RNF180: variants seen among roughly 807,000 people sequenced by gnomAD.
RNF180 encodes E3 ubiquitin-protein ligase RNF180.
A neutral mutation model predicts 59.2 loss-of-function variants in RNF180; 38 were observed. The ratio of observed to expected loss-of-function variants is 0.64; its 90% confidence interval spans 0.50 to 0.84. The LOEUF (loss-of-function observed/expected upper bound fraction) is 0.84, where lower values mean the gene tolerates loss of function less well. Among genes scored for constraint, RNF180 ranks in the 40% least tolerant of loss-of-function variants. The pLI is 0.00. For synonymous variants in RNF180, 262 were observed against 240.3 expected, an observed-to-expected ratio of 1.09 and a Z score of -0.84; for missense variants, 705 against 700.9, an observed-to-expected ratio of 1.01 and a Z score of -0.07.
At chr5:64,269,757 T>A (rs1425241995) in intron 5 of RNF180, among the ~76,000 whole-genome samples, 1 of 152,194 alleles carries the variant, frequency 6.6e-6, no homozygotes, top group Non-Finnish European at 1.5e-5. Context: ...GAAGTAAAGC[T>A]GATTTTCAAT....
intron 1 of RNF180, among the ~76,000 whole-genome samples, chr5:64,186,400 C>T (rs1163925412): frequency 1.3e-5 from 2 of 152,010 alleles, no homozygotes; most frequent in Non-Finnish European, 2.9e-5. Context: ...AAGAAGTCAG[C>T]CTGAGAAGCA....
intron 5 of RNF180, among the ~76,000 whole-genome samples, chr5:64,276,506 A>T (rs1296019169): frequency 6.6e-6 from 1 of 152,066 alleles, no homozygotes; most frequent in Non-Finnish European, 1.5e-5. Flanking sequence ...TCTTTAAAGT[A>T]ATGTATGACA....
At chr5:64,308,607 GTGT>G (rs1445203759) in intron 5 of RNF180, among the ~76,000 whole-genome samples, 1 of 151,818 alleles carries the variant, frequency 6.6e-6, no homozygotes, top group East Asian at 1.9e-4. Context: ...GGAGTTGGTA[GTGT>G]TTCCTGTCAT....
At chr5:64,262,211 T>A (rs188243500) in intron 5 of RNF180, among the ~76,000 whole-genome samples, 121 of 152,288 alleles carry the variant, frequency 7.9e-4, no homozygotes, top group African/African-American at 2.9e-3. Flanking sequence ...GTAAATAATA[T>A]ATATATTTCA....
chr5:64,363,510 G>A (rs372618976), intron 7 of RNF180, among the ~76,000 whole-genome samples: 4 of 151,652 alleles, frequency 2.6e-5, no homozygotes, highest in Non-Finnish European at 5.9e-5. Context: ...TAGTTTGAAG[G>A]CAGCTAGCGT....
At chr5:64,168,759 C>CA (rs199525996) in intron 1 of RNF180, among the ~76,000 whole-genome samples, 4 of 150,594 alleles carry the variant, frequency 2.7e-5, no homozygotes, top group South Asian at 2.1e-4. Context: ...TTGCTATTTC[C>CA]AAAAAAAAAG....
intron 5 of RNF180, among the ~76,000 whole-genome samples, chr5:64,217,955 C>A (rs189054287): frequency 1.0e-3 from 159 of 152,174 alleles, no homozygotes; most frequent in African/African-American, 3.7e-3. Flanking sequence ...CAAAAACAAT[C>A]TTTTACTCAC....
chr5:64,236,779 C>A (rs1202309272), intron 5 of RNF180, among the ~76,000 whole-genome samples: 1 of 152,100 alleles, frequency 6.6e-6, no homozygotes, highest in Admixed American at 6.5e-5. Flanking sequence ...TGCTCTAGCC[C>A]CAGATGTGGC....
intron 1 of RNF180, among the ~76,000 whole-genome samples, chr5:64,192,903 G>GTGTGTATATATATATA (rs1486448173): frequency 1.5e-4 from 14 of 93,884 alleles, no homozygotes; most frequent in African/African-American, 5.4e-4. Context: ...AGTGTGGCAT[G>GTGTGTATATATATATA]TATATATATA....
intron 4 of RNF180, among the ~76,000 whole-genome samples, chr5:64,214,893 G>GA (rs201747856): frequency 0.017 from 2,576 of 152,106 alleles, 28 homozygotes; most frequent in South Asian, 0.032. Flanking sequence ...ATTTTGGGTT[G>GA]AAAAAATGTT....
chr5:64,180,965 A>G (rs536397603), intron 1 of RNF180, among the ~76,000 whole-genome samples: 7 of 152,308 alleles, frequency 4.6e-5, no homozygotes, highest in African/African-American at 7.2e-5. Context: ...GAAGCCAACA[A>G]TGCAGCCTTC....
At chr5:64,234,995 G>A (rs1412827470) in intron 5 of RNF180, among the ~76,000 whole-genome samples, 1 of 152,116 alleles carries the variant, frequency 6.6e-6, no homozygotes, top group East Asian at 1.9e-4. Context: ...ACAAAGCAGG[G>A]GACTGGTGGG....
At chr5:64,209,258 C>A (rs566594993) in intron 2 of RNF180, among the ~76,000 whole-genome samples, 1 of 152,088 alleles carries the variant, frequency 6.6e-6, no homozygotes, top group Non-Finnish European at 1.5e-5. Context: ...CTTCTACCTA[C>A]AACTGTGACT....
In RNF180 at chr5:64,325,280, A is replaced by G. The variant is rs1375093026; in HGVS notation, c.1322A>G (p.Asn441Ser). 7 of 1,551,292 alleles carry G rather than the reference A, an allele frequency of 4.5e-6. No individual in the cohort carries two copies. In the East Asian group the frequency reaches 1.2e-4, roughly 27 times the overall value. ...ICAVCLDVYF[N>S]PYMCYPCHHI... Reference sequence around the variant, plus strand: ...GCAGTGTGTCTGGACGTTTATTTCAACCCTTATATGTGTTACCCTTGCCAT... The same window carrying G: ...GCAGTGTGTCTGGACGTTTATTTCAGCCCTTATATGTGTTACCCTTGCCAT... Residue 441 changes from asparagine to serine, a missense_variant, in exon 6 of 8, where the codon AAC becomes AGC. Asn to Ser is a conservative substitution (Grantham distance 46). Transcript: ENST00000389100.
rs188817466 is a variant in RNF180 at position 64,194,433 on chromosome 5, T to C, written c.1-6375T>C. On this transcript the variant is annotated intron_variant, in intron 1 of 7. Transcript: ENST00000389100. ...TGGACATTTGGGTTGGTTCCAAGTC[T>C]TTGCTATTGTGAATAGTGCCACAAT... 4.8e-3 allele frequency among the ~76,000 whole-genome samples: 736 copies of C among 152,338 alleles called. 7 individuals are homozygous for C. The highest frequency in any genetic ancestry group is 0.017 in the African/African-American group (714 of 41,566).
chr5:64,276,306 C>CA (rs1049903017), intron 5 of RNF180, among the ~76,000 whole-genome samples: 33 of 135,850 alleles, frequency 2.4e-4, no homozygotes, highest in Admixed American at 4.6e-4. Context: ...GAACTGGGAA[C>CA]AAAAAATACA....
chr5:64,233,652 C>A (rs890839795), intron 5 of RNF180, among the ~76,000 whole-genome samples: 6 of 152,172 alleles, frequency 3.9e-5, no homozygotes, highest in Non-Finnish European at 7.4e-5. Context: ...TGGAAGAAGA[C>A]AAAAATTTGG....
At chr5:64,231,070 T>A (rs532803971) in intron 5 of RNF180, among the ~76,000 whole-genome samples, 89 of 152,300 alleles carry the variant, frequency 5.8e-4, no homozygotes, top group Non-Finnish European at 1.1e-3. Flanking sequence ...AAAGGTTCAG[T>A]GGGCTCTGAA....
chr5:64,284,110 T>G (rs943286580), intron 5 of RNF180, among the ~76,000 whole-genome samples: 1 of 152,182 alleles, frequency 6.6e-6, no homozygotes, highest in South Asian at 2.1e-4. Context: ...TCCTTCACTT[T>G]TGAAGCTTTA....
Sources: gnomAD v4.1 joint callset for allele counts (sites outside exome capture counted in the v4.1 genomes callset) on GRCh38, gnomAD v4.1.1 for gene constraint, MANE v1.5 for transcripts, NCBI Gene and HGNC (gene_info 2026-07-23, HGNC 2026-07-21) for gene names.